The following ZEB2 variants were observed in gnomAD, a reference collection of about 807,000 sequenced individuals.
ZEB2 encodes the protein zinc finger E-box binding homeobox 2, also known as zinc finger E-box-binding homeobox 2.
In ZEB2, 6 loss-of-function variants were observed where a neutral mutation model predicts 99.9. The ratio of observed to expected loss-of-function variants is 0.06; its 90% CI spans 0.03 to 0.12. The LOEUF is 0.12. Ranked by LOEUF, ZEB2 falls within the 10% of genes least tolerant of loss-of-function variation. The probability of loss-of-function intolerance (pLI) is 1.00; values close to 1 mark genes in which losing one functional copy is unlikely to be tolerated. For missense variants in ZEB2, 969 were observed against 1,502.8 expected, an observed-to-expected ratio of 0.64 and a Z score of 5.87; for synonymous variants, 517 against 542.5, an observed-to-expected ratio of 0.95 and a Z score of 0.65.
chr2:144,502,345 T>C (rs1235244056), intron 2 of ZEB2, among the ~76,000 whole-genome samples: 1 of 152,102 alleles, frequency 6.6e-6, no homozygotes, highest in Non-Finnish European at 1.5e-5. Context: ...TTTTTTTTCA[T>C]AAAGTTATTC....
chr2:144,510,439 G>C (rs1446442332), intron 2 of ZEB2, among the ~76,000 whole-genome samples: 1 of 152,128 alleles, frequency 6.6e-6, no homozygotes, highest in African/African-American at 2.4e-5. Context: ...TTAAGGGCGG[G>C]AAGTCCACAC....
At chr2:144,430,252 G>A (rs1038780782) in intron 2 of ZEB2, among the ~76,000 whole-genome samples, 3 of 151,980 alleles carry the variant, frequency 2.0e-5, no homozygotes, top group African/African-American at 7.3e-5. Flanking sequence ...AAAAATGATG[G>A]GAAATTCTAA....
chr2:144,512,957 G>A (rs1196246075), intron 2 of ZEB2: 30 of 1,287,184 alleles, frequency 2.3e-5, no homozygotes, highest in East Asian at 5.5e-5. Flanking sequence ...TCAACTTTAC[G>A]AAGAAAGCTA....
At chr2:144,397,024 T>C (rs1412336031) in intron 8 of ZEB2, among the ~76,000 whole-genome samples, 2 of 152,214 alleles carry the variant, frequency 1.3e-5, no homozygotes, top group Non-Finnish European at 2.9e-5. Context: ...TACAAAATGT[T>C]ATTATTATGC....
Position 144,481,568 on chromosome 2 carries a change from T to C in ZEB2, c.73+35710A>G, listed in dbSNP as rs540227130. 2.0e-5 allele frequency among the ~76,000 whole-genome samples: 3 copies of C among 152,294 alleles called. No homozygotes were observed. The East Asian group carries it at 5.8e-4, about 29-fold the overall frequency. On this transcript the variant is annotated intron_variant, in intron 2 of 9. Transcript: ENST00000627532. ...AAGGAAGTATTTTAATCTAGATAAA[T>C]GAGTATACACAGCATCAAGGTAAAG...
intron 2 of ZEB2, among the ~76,000 whole-genome samples, chr2:144,451,569 C>T (rs779750235): frequency 3.9e-5 from 6 of 152,178 alleles, no homozygotes; most frequent in Non-Finnish European, 8.8e-5. Context: ...TGAATATTTA[C>T]ATTTTAAAAC....
rs748032430 is a variant in ZEB2 at position 144,520,070 on chromosome 2, C to T, written c.-201G>A. 3.5e-5 allele frequency: 16 copies of T among 454,426 alleles called. No individual in the cohort carries two copies. Among genetic ancestry groups the T allele is most frequent in the Middle Eastern group, 6.8e-4 (1 of 1,466 alleles). 28.1% of individuals were successfully genotyped at this position (454,426 alleles called of 1,614,324 possible). ...GGAGCAAACTGTACAAAAACCTCGCCAAGAGTGTCGGGAGGCAGGACCGTT... is the reference window on the plus strand; with the variant it reads ...GGAGCAAACTGTACAAAAACCTCGCTAAGAGTGTCGGGAGGCAGGACCGTT... On this transcript the variant is annotated 5_prime_UTR_variant, in exon 1 of 10. Coordinates refer to ENST00000627532, the MANE Select transcript of ZEB2 (RefSeq NM_014795.4).
intron 2 of ZEB2, chr2:144,513,936 A>T (rs1162785397): frequency 2.7e-6 from 4 of 1,460,870 alleles, no homozygotes; most frequent in African/African-American, 1.4e-5. Flanking sequence ...CTTGAAACCG[A>T]CACACATTCT....
chr2:144,497,112 T>G (rs1219746611), intron 2 of ZEB2, among the ~76,000 whole-genome samples: 1 of 152,192 alleles, frequency 6.6e-6, no homozygotes, highest in African/African-American at 2.4e-5. Flanking sequence ...CAGCCCAGCG[T>G]GCTGTGCCCT....
intron 2 of ZEB2, chr2:144,513,948 G>C (rs905688295): frequency 7.0e-6 from 10 of 1,432,540 alleles, no homozygotes; most frequent in Non-Finnish European, 9.2e-6. Flanking sequence ...ACACATTCTT[G>C]TCTGCGGGCA....
intron 2 of ZEB2, among the ~76,000 whole-genome samples, chr2:144,441,599 C>T (rs1703919060): frequency 1.3e-5 from 2 of 150,816 alleles, no homozygotes; most frequent in African/African-American, 4.9e-5. Flanking sequence ...AAGGAAAATT[C>T]CTCAAACAAA....
At chr2:144,414,929 A>T (rs1173189283) in intron 4 of ZEB2, among the ~76,000 whole-genome samples, 1 of 145,032 alleles carries the variant, frequency 6.9e-6, no homozygotes, top group Admixed American at 7.0e-5. Flanking sequence ...AGTCAGTTAA[A>T]ATGCCCACTT....
In ZEB2 at chr2:144,385,744, T is replaced by C. The variant is rs1387891867; in HGVS notation, c.*3707A>G. ...TTTTTCAGTTCAAATACATGTAAAC[T>C]TATTATTGGGCAGTCTCCTCAAATT... On this transcript the variant is annotated 3_prime_UTR_variant, in exon 10 of 10. Coordinates refer to ENST00000627532, the MANE Select transcript of ZEB2 (RefSeq NM_014795.4). 1 of 152,212 alleles carries C rather than the reference T, an allele frequency of 6.6e-6. No individual in the cohort carries two copies. Among genetic ancestry groups the C allele is most frequent in the Non-Finnish European group, 1.5e-5 (1 of 68,036 alleles). 9.4% of individuals were successfully genotyped at this position (152,212 alleles called of 1,614,324 possible). A position where few individuals can be genotyped will look rare whatever the true frequency, so the allele number is the denominator to read the frequency against.
chr2:144,512,363 C>T (rs1195525808), intron 2 of ZEB2: 36 of 1,287,096 alleles, frequency 2.8e-5, no homozygotes, highest in African/African-American at 3.0e-5. Flanking sequence ...AGAATAAACG[C>T]GGCACTGCTA....
chr2:144,517,502 G>A, intron 1 of ZEB2, 83 bp from the exon 2 acceptor site: 1 of 925,256 alleles, frequency 1.1e-6, no homozygotes, highest in South Asian at 1.4e-5. Flanking sequence ...GCCGGGCCAG[G>A]GCCCCGGCGA....
chr2:144,460,235 G>T (rs781025240), intron 2 of ZEB2, among the ~76,000 whole-genome samples: 1 of 152,064 alleles, frequency 6.6e-6, no homozygotes, highest in African/African-American at 2.4e-5. Flanking sequence ...TGTTGTTAAG[G>T]GATTTAAGAA....
chr2:144,405,797 C>T (rs1428440414), intron 4 of ZEB2, among the ~76,000 whole-genome samples: 1 of 152,184 alleles, frequency 6.6e-6, no homozygotes, highest in Non-Finnish European at 1.5e-5. Flanking sequence ...GTAATTATGA[C>T]TCTATTCCTG....
At chr2:144,413,023 T>C (rs1036849504) in intron 4 of ZEB2, among the ~76,000 whole-genome samples, 1 of 152,204 alleles carries the variant, frequency 6.6e-6, no homozygotes, top group African/African-American at 2.4e-5. Context: ...GAATTTCAAT[T>C]TCCTCATCTG....
intron 2 of ZEB2, among the ~76,000 whole-genome samples, chr2:144,479,581 A>G (rs1002227670): frequency 1.4e-5 from 2 of 148,094 alleles, no homozygotes; most frequent in Admixed American, 1.4e-4. Flanking sequence ...CCTTATAAAG[A>G]CTCCCAATTT....
Sources: allele counts gnomAD v4.1 joint callset (sites outside exome capture counted in the v4.1 genomes callset), GRCh38; gene constraint gnomAD v4.1.1; transcripts MANE v1.5; gene names NCBI Gene and HGNC (gene_info 2026-07-23, HGNC 2026-07-21).